Variants in CEP112 observed in about 807,000 individuals in gnomAD.
The protein encoded by CEP112 is centrosomal protein 112.
CEP112 carries 127 observed loss-of-function variants against 153.0 expected under a neutral mutation model. That is an observed-to-expected ratio of 0.83 (90% CI 0.72 to 0.96). CEP112 has a LOEUF of 0.96. Among genes scored for constraint, CEP112 ranks in the 40% least tolerant of loss-of-function variants. CEP112 has a pLI of 0.00. For missense variants in CEP112, 1,089 were observed against 1,101.2 expected (o/e 0.99, Z 0.16); for synonymous variants, 358 against 374.4 (o/e 0.96, Z 0.51).
At chr17:66,074,519 G>C (rs1379986538) in intron 8 of CEP112, among the ~76,000 whole-genome samples, 2 of 152,040 alleles carry the variant, frequency 1.3e-5, no homozygotes, top group East Asian at 1.9e-4. Context: ...CAGGATAAAT[G>C]CAAGAAAACA....
chr17:65,643,107 A>C (rs1297944413), intron 24 of CEP112, among the ~76,000 whole-genome samples: 1 of 152,146 alleles, frequency 6.6e-6, no homozygotes, highest in Non-Finnish European at 1.5e-5. Context: ...GGAAACCACC[A>C]GGGCCTTTGT....
intron 21 of CEP112, among the ~76,000 whole-genome samples, chr17:65,821,682 G>A (rs1230548272): frequency 6.7e-6 from 1 of 149,462 alleles, no homozygotes; most frequent in Non-Finnish European, 1.5e-5. Flanking sequence ...CTCCTGAGTA[G>A]CTGGGATTAC....
chr17:65,920,588 C>T (rs527594413), intron 19 of CEP112, among the ~76,000 whole-genome samples: 12 of 150,554 alleles, frequency 8.0e-5, no homozygotes, highest in African/African-American at 2.9e-4. Flanking sequence ...GAAATTCAGA[C>T]CTTAAATTTA....
At chr17:65,766,945 G>A (rs945274205) in intron 21 of CEP112, among the ~76,000 whole-genome samples, 4 of 147,898 alleles carry the variant, frequency 2.7e-5, no homozygotes, top group Admixed American at 6.8e-5. Context: ...TAGCAATACA[G>A]TAATAGTGGG....
At chr17:65,989,643 A>T (rs2145231748) in intron 17 of CEP112, among the ~76,000 whole-genome samples, 2 of 152,300 alleles carry the variant, frequency 1.3e-5, no homozygotes, top group South Asian at 4.1e-4. Context: ...AGAAAGAAAA[A>T]AATACTAACG....
intron 24 of CEP112, among the ~76,000 whole-genome samples, chr17:65,670,897 G>C (rs1321762371): frequency 2.0e-5 from 3 of 148,738 alleles, no homozygotes; most frequent in South Asian, 2.1e-4. Flanking sequence ...GGTAGTGGGC[G>C]GGGGGGGCGG....
At chr17:66,026,436 TAGTC>T (rs1035592864) in intron 16 of CEP112, among the ~76,000 whole-genome samples, 8 of 144,848 alleles carry the variant, frequency 5.5e-5, no homozygotes, top group Non-Finnish European at 9.0e-5. Context: ...TTTCAAGTAG[TAGTC>T]AGTACTTTCA....
intron 18 of CEP112, among the ~76,000 whole-genome samples, chr17:65,955,665 A>T (rs892186220): frequency 1.3e-5 from 2 of 152,216 alleles, no homozygotes; most frequent in Non-Finnish European, 2.9e-5. Flanking sequence ...AAGATATTCC[A>T]TGTAAATAAA....
intron 4 of CEP112, among the ~76,000 whole-genome samples, chr17:66,162,215 C>T (rs890542285): frequency 6.6e-6 from 1 of 152,016 alleles, no homozygotes; most frequent in Non-Finnish European, 1.5e-5. Context: ...TCCAAATCAT[C>T]GATAAACATT....
intron 4 of CEP112, among the ~76,000 whole-genome samples, chr17:66,157,116 G>A (rs2071478048): frequency 6.6e-6 from 1 of 152,074 alleles, no homozygotes; most frequent in African/African-American, 2.4e-5. Flanking sequence ...AAATGTTAAG[G>A]GCAGCCAGAG....
chr17:66,013,439 G>A (rs750104143), intron 16 of CEP112, among the ~76,000 whole-genome samples: 18 of 152,102 alleles, frequency 1.2e-4, no homozygotes, highest in Non-Finnish European at 2.5e-4. Flanking sequence ...GTCCTTGGGG[G>A]TTTGTGGCAT....
intron 21 of CEP112, among the ~76,000 whole-genome samples, chr17:65,807,019 G>T (rs545484175): frequency 1.3e-5 from 2 of 152,312 alleles, no homozygotes; most frequent in East Asian, 3.9e-4. Flanking sequence ...ACCTCATAGA[G>T]ATTTGTTAAA....
chr17:65,796,975 G>A (rs8067408), intron 21 of CEP112: 94,246 of 151,506 alleles, frequency 0.62, 30,181 homozygotes, highest in East Asian at 0.92. Flanking sequence ...GAACACCTGA[G>A]CCTGGGGAAG....
In CEP112 at chr17:65,927,571, G is replaced by A. The variant is rs777646468; in HGVS notation, c.1980+11C>T. The A allele has an allele frequency of 6.6e-7, 1 of 1,514,948 alleles. No individual in the cohort carries two copies. The highest frequency in any genetic ancestry group is 9.0e-7 in the Non-Finnish European group (1 of 1,115,960). 93.8% of individuals were successfully genotyped at this position (1,514,948 alleles called of 1,614,324 possible). A position where few individuals can be genotyped will look rare whatever the true frequency, so the allele number is the denominator to read the frequency against. On this transcript the variant is annotated intron_variant, in intron 19 of 26. Coordinates refer to ENST00000535342, the MANE Select transcript of CEP112 (RefSeq NM_001199165.4). ...AAAAATTTAATGGCAGCATCAAAAT[G>A]AAAGACCAACCTGTTGTTCATACCG...
intron 24 of CEP112, among the ~76,000 whole-genome samples, chr17:65,681,518 T>A (rs2047522555): frequency 6.6e-6 from 1 of 150,524 alleles, no homozygotes; most frequent in Admixed American, 6.7e-5. Flanking sequence ...TCCAAATGAA[T>A]GTCCTCCTGC....
rs543295874 is a variant in CEP112 at position 65,723,123 on chromosome 17, C to A, written c.2607+19945G>T. Among the ~76,000 whole-genome samples, 218 of 152,270 alleles carry A rather than the reference C, an allele frequency of 1.4e-3. 1 individual carries two copies. The highest frequency in any genetic ancestry group is 5.1e-3 in the African/African-American group (214 of 41,556). The stretch of plus-strand genomic sequence containing the variant: ...ACAATCCATCTTGTGATGTTAATGA[C>A]ACACTTGTTTTATATTCAAACAGGG... On this transcript the variant is annotated intron_variant, in intron 23 of 26. Coordinates refer to ENST00000535342, the MANE Select transcript of CEP112 (RefSeq NM_001199165.4).
chr17:65,708,646 G>A (rs2049026954), intron 23 of CEP112, among the ~76,000 whole-genome samples: 1 of 152,158 alleles, frequency 6.6e-6, no homozygotes, highest in South Asian at 2.1e-4. Flanking sequence ...TCAGAAGGGT[G>A]CCTTGATTTT....
intron 24 of CEP112, among the ~76,000 whole-genome samples, chr17:65,654,056 CAAAAAAAAAAA>C (rs773433478): frequency 5.2e-4 from 14 of 26,872 alleles, no homozygotes; most frequent in African/African-American, 1.8e-3. Flanking sequence ...AAGACTCCAT[CAAAAAAAAAAA>C]AAAAAAAAAA....
intron 20 of CEP112, among the ~76,000 whole-genome samples, chr17:65,855,271 G>T (rs1598790352): frequency 6.6e-6 from 1 of 152,154 alleles, no homozygotes; most frequent in Non-Finnish European, 1.5e-5. Context: ...CCATTACCAT[G>T]TTGGGAGCAA....
Sources: gnomAD v4.1 joint callset for allele counts (sites outside exome capture counted in the v4.1 genomes callset) on GRCh38, gnomAD v4.1.1 for gene constraint, MANE v1.5 for transcripts, NCBI Gene and HGNC (gene_info 2026-07-23, HGNC 2026-07-21) for gene names.